Variants in GTF2F2 observed in about 807,000 individuals in gnomAD.
GTF2F2 encodes the protein general transcription factor IIF subunit 2.
Under a neutral mutation model 42.2 loss-of-function variants are expected in GTF2F2, and 23 were observed. The observed-to-expected ratio is 0.55, with a 90% CI of 0.39 to 0.77. GTF2F2 has a LOEUF of 0.77. GTF2F2 is among the 30% of genes least tolerant of loss of function. GTF2F2 has a pLI of 0.00. For synonymous variants in GTF2F2, 105 were observed against 100.8 expected (o/e 1.04, Z -0.25); for missense variants, 261 against 287.2 (o/e 0.91, Z 0.66).
chr13:45,241,184 A>T (rs914193274), intron 5 of GTF2F2, among the ~76,000 whole-genome samples: 6 of 143,886 alleles, frequency 4.2e-5, no homozygotes, highest in East Asian at 2.0e-4. Flanking sequence ...ATAAATATAA[A>T]ATATATATAT....
chr13:45,126,790 C>G (rs1381458363), intron 1 of GTF2F2, among the ~76,000 whole-genome samples: 1 of 152,206 alleles, frequency 6.6e-6, no homozygotes, highest in Non-Finnish European at 1.5e-5. Context: ...AATATTGTTT[C>G]TGTGCATGTG....
At chr13:45,214,963 G>A (rs1873828371) in intron 5 of GTF2F2, among the ~76,000 whole-genome samples, 2 of 150,222 alleles carry the variant, frequency 1.3e-5, no homozygotes, top group Admixed American at 6.6e-5. Context: ...TTTTATTCCA[G>A]TGTTTGTGGA....
chr13:45,249,739 G>C (rs1187197437), intron 5 of GTF2F2, among the ~76,000 whole-genome samples: 1 of 152,136 alleles, frequency 6.6e-6, no homozygotes, highest in African/African-American at 2.4e-5. Flanking sequence ...ACTGAAACAG[G>C]GAAGATAATT....
intron 6 of GTF2F2, among the ~76,000 whole-genome samples, chr13:45,256,539 TCCAAA>T (rs1876112072): frequency 6.6e-6 from 1 of 152,170 alleles, no homozygotes; most frequent in Non-Finnish European, 1.5e-5. Context: ...GATTTTTACA[TCCAAA>T]CAAAGATTGA....
intron 4 of GTF2F2, among the ~76,000 whole-genome samples, chr13:45,171,188 C>T (rs1871582617): frequency 6.7e-6 from 1 of 149,972 alleles, no homozygotes; most frequent in Admixed American, 6.7e-5. Flanking sequence ...AGCGATTCTC[C>T]TGCCTCAACC....
At chr13:45,159,132 A>C (rs572469530) in intron 4 of GTF2F2, among the ~76,000 whole-genome samples, 2 of 152,358 alleles carry the variant, frequency 1.3e-5, no homozygotes, top group African/African-American at 4.8e-5. Context: ...CATGAGACAT[A>C]TTCCCCAGAT....
At chr13:45,163,248 T>C (rs950083652) in intron 4 of GTF2F2, among the ~76,000 whole-genome samples, 29 of 152,220 alleles carry the variant, frequency 1.9e-4, no homozygotes, top group Admixed American at 1.9e-3. Flanking sequence ...TTTGTTTTGA[T>C]TCATTGTATA....
chr13:45,190,456 G>A (rs1365656329), intron 4 of GTF2F2, among the ~76,000 whole-genome samples: 3 of 152,284 alleles, frequency 2.0e-5, no homozygotes, highest in East Asian at 1.9e-4. Context: ...AAAATCAGAC[G>A]TGGTTTCTGT....
At chr13:45,273,654 A>ATTTTTTTTTT (rs1331934269) in intron 7 of GTF2F2, among the ~76,000 whole-genome samples, 3 of 110,828 alleles carry the variant, frequency 2.7e-5, no homozygotes, top group Non-Finnish European at 5.4e-5. Context: ...AGAGTGGTAA[A>ATTTTTTTTTT]ATTTTTTTTT....
At chr13:45,264,307 A>G (rs1221933996) in intron 6 of GTF2F2, among the ~76,000 whole-genome samples, 3 of 150,520 alleles carry the variant, frequency 2.0e-5, no homozygotes, top group East Asian at 3.9e-4. Flanking sequence ...TTTTTGAGAC[A>G]GAGTCACTCT....
intron 4 of GTF2F2, among the ~76,000 whole-genome samples, chr13:45,177,756 G>T (rs1871954673): frequency 6.6e-6 from 1 of 152,074 alleles, no homozygotes. Flanking sequence ...ATATGTTGAG[G>T]TTGCTAAGAT....
At chr13:45,126,485 C>T (rs147109424) in intron 1 of GTF2F2, among the ~76,000 whole-genome samples, 1,818 of 152,174 alleles carry the variant, frequency 0.012, 31 homozygotes, top group African/African-American at 0.037. Flanking sequence ...CTCCTGACCT[C>T]GTGATCCCCC....
chr13:45,279,778 G>T (rs931358740), intron 7 of GTF2F2, among the ~76,000 whole-genome samples: 9 of 152,110 alleles, frequency 5.9e-5, no homozygotes, highest in Non-Finnish European at 1.2e-4. Context: ...GGTGTCACAT[G>T]CCTGTAATCC....
intron 6 of GTF2F2, among the ~76,000 whole-genome samples, chr13:45,253,802 G>A (rs770122560): frequency 6.6e-6 from 1 of 152,166 alleles, no homozygotes; most frequent in Non-Finnish European, 1.5e-5. Context: ...GAGGCTGGGC[G>A]CGGTGGCTCA....
At chr13:45,242,591 GT>G (rs1875373821) in intron 5 of GTF2F2, among the ~76,000 whole-genome samples, 1 of 152,100 alleles carries the variant, frequency 6.6e-6, no homozygotes, top group Non-Finnish European at 1.5e-5. Context: ...GTTGTTTAGT[GT>G]TTTTGTAGTT....
intron 5 of GTF2F2, among the ~76,000 whole-genome samples, chr13:45,240,183 G>A (rs1240295030): frequency 2.1e-5 from 3 of 143,160 alleles, no homozygotes; most frequent in African/African-American, 5.4e-5. Flanking sequence ...ATCTAGGAGA[G>A]CCCATCAGCC....
intron 1 of GTF2F2, among the ~76,000 whole-genome samples, chr13:45,127,421 G>A (rs1435702965): frequency 6.6e-6 from 1 of 151,894 alleles, no homozygotes; most frequent in Non-Finnish European, 1.5e-5. Context: ...TGCCTCCTGG[G>A]CTGCAGTGAT....
At chr13:45,176,549 T>TA (rs1344532044) in intron 4 of GTF2F2, among the ~76,000 whole-genome samples, 1 of 152,188 alleles carries the variant, frequency 6.6e-6, no homozygotes, top group African/African-American at 2.4e-5. Context: ...TATGTGGTTT[T>TA]AAAATAACTT....
At chr13:45,255,140 T>TG (rs1414497551) in intron 6 of GTF2F2, among the ~76,000 whole-genome samples, 2 of 115,278 alleles carry the variant, frequency 1.7e-5, no homozygotes, top group African/African-American at 6.9e-5. Context: ...CACTCCAGCC[T>TG]GGGGGACAAG....
Sources: allele counts gnomAD v4.1 joint callset (sites outside exome capture counted in the v4.1 genomes callset), GRCh38; gene constraint gnomAD v4.1.1; transcripts MANE v1.5; gene names NCBI Gene and HGNC (gene_info 2026-07-23, HGNC 2026-07-21).